The following PARP4 variants were observed in gnomAD, a reference collection of about 807,000 sequenced individuals.
PARP4 encodes poly(ADP-ribose) polymerase family member 4.
PARP4 carries 120 observed loss-of-function variants against 187.7 expected under a neutral mutation model. The ratio of observed to expected loss-of-function variants is 0.64; its 90% CI spans 0.55 to 0.74. The LOEUF (loss-of-function observed/expected upper bound fraction) is 0.74. PARP4 is among the 30% of genes least tolerant of loss of function. The probability of loss-of-function intolerance (pLI) is 0.00; values close to 1 mark genes in which losing one functional copy is unlikely to be tolerated. For synonymous variants in PARP4, 654 were observed against 740.9 expected (o/e 0.88, Z 1.90); for missense variants, 1,836 against 2,070.5 (o/e 0.89, Z 2.20).
At chr13:24,432,845 C>T (rs113386189) in intron 31 of PARP4, among the ~76,000 whole-genome samples, 1,976 of 152,224 alleles carry the variant, frequency 0.013, 24 homozygotes, top group African/African-American at 0.033. Context: ...GGGATATTAA[C>T]CTCAACGGAG....
chr13:24,478,961 C>G (rs1873124405), intron 12 of PARP4, among the ~76,000 whole-genome samples: 1 of 152,150 alleles, frequency 6.6e-6, no homozygotes, highest in East Asian at 1.9e-4. Context: ...TGCACTAAAG[C>G]TCAGAAAGGA....
At chr13:24,489,500 G>C (rs917418402) in intron 10 of PARP4, among the ~76,000 whole-genome samples, 8 of 152,140 alleles carry the variant, frequency 5.3e-5, no homozygotes, top group Non-Finnish European at 1.0e-4. Flanking sequence ...CCCAGCTGAG[G>C]GGGGTGGCTG....
chr13:24,495,720 G>T (rs1257303558), intron 6 of PARP4, among the ~76,000 whole-genome samples: 1 of 152,188 alleles, frequency 6.6e-6, no homozygotes, highest in Non-Finnish European at 1.5e-5. Context: ...CACTACTCAG[G>T]ATACCCATAA....
At chr13:24,463,616 T>G (rs1015594652) in intron 17 of PARP4, among the ~76,000 whole-genome samples, 19 of 152,280 alleles carry the variant, frequency 1.2e-4, no homozygotes, top group Admixed American at 9.8e-4. Context: ...TTAAAAACTC[T>G]CAGTAAACTA....
At chr13:24,443,581 C>T in intron 28 of PARP4, 69 bp downstream of exon 28, 2 of 1,156,576 alleles carry the variant, frequency 1.7e-6, no homozygotes, top group Non-Finnish European at 1.3e-6. Context: ...TTTCCATTTC[C>T]ACAGATAAAA....
At chr13:24,426,086 CTTGTA>C (rs1439911655) in intron 33 of PARP4, among the ~76,000 whole-genome samples, 6 of 152,288 alleles carry the variant, frequency 3.9e-5, no homozygotes, top group East Asian at 1.9e-4. Context: ...ACTTTAAATA[CTTGTA>C]TTGTATTCTT....
chr13:24,421,236 G>A lies in PARP4; in HGVS notation c.5058C>T (p.Ile1686=). ...CGTTCCCCAGTTCAAGCCGTGGGCA[G>A]ATAGATGGGTACTGTCCTTCAGTTC... ...VRRTEGQYPS[I]CPRLELGNDW... Residue 1686 remains isoleucine, a synonymous_variant, in exon 34 of 34, where the codon ATC becomes ATT. Transcript: ENST00000381989. 7.4e-7 allele frequency: 1 copy of A among 1,360,500 alleles called. No homozygotes were observed. Among genetic ancestry groups the A allele is most frequent in the Non-Finnish European group, 9.9e-7 (1 of 1,012,224 alleles). 84.3% of individuals were successfully genotyped at this position (1,360,500 alleles called of 1,614,324 possible).
At chr13:24,493,333 C>T (rs1464776677) in intron 8 of PARP4, among the ~76,000 whole-genome samples, 1 of 152,200 alleles carries the variant, frequency 6.6e-6, no homozygotes. Flanking sequence ...AGGATCAGGC[C>T]TCCTAATTGG....
intron 33 of PARP4, among the ~76,000 whole-genome samples, chr13:24,425,569 GTATATCTATA>G (rs1207919154): frequency 5.8e-5 from 8 of 136,824 alleles, no homozygotes; most frequent in African/African-American, 2.3e-4. Context: ...GTGTGTGTGT[GTATATCTATA>G]TCTATATCTA....
At chr13:24,458,605 ACT>A (rs1363422619) in intron 20 of PARP4, among the ~76,000 whole-genome samples, 3 of 151,994 alleles carry the variant, frequency 2.0e-5, no homozygotes, top group African/African-American at 7.3e-5. Context: ...AACAAAAAAA[ACT>A]CATCATAATA....
chr13:24,462,918 T>C (rs8002741), intron 17 of PARP4, among the ~76,000 whole-genome samples: 77,217 of 151,832 alleles, frequency 0.51, 19,951 homozygotes, highest in South Asian at 0.65. Flanking sequence ...TACGGTCTAA[T>C]GTATATGTAT....
At chr13:24,437,566 A>G (rs1402998739) in intron 30 of PARP4, among the ~76,000 whole-genome samples, 1 of 146,798 alleles carries the variant, frequency 6.8e-6, no homozygotes, top group Admixed American at 6.8e-5. Context: ...ATGTGAACAG[A>G]TAACACCCAG....
At chr13:24,436,917 CAT>C (rs1870667312) in intron 30 of PARP4, among the ~76,000 whole-genome samples, 1 of 152,062 alleles carries the variant, frequency 6.6e-6, no homozygotes, top group African/African-American at 2.4e-5. Flanking sequence ...TATGAAAAGA[CAT>C]ATTTTAAAAT....
intron 2 of PARP4, among the ~76,000 whole-genome samples, chr13:24,502,918 C>T (rs1869385199): frequency 6.6e-6 from 1 of 152,214 alleles, no homozygotes; most frequent in South Asian, 2.1e-4. Flanking sequence ...TGGCCAAGCC[C>T]CAGGGCTGAG....
At chr13:24,454,043 G>A (rs1257579781) in intron 22 of PARP4, among the ~76,000 whole-genome samples, 1 of 151,156 alleles carries the variant, frequency 6.6e-6, no homozygotes, top group East Asian at 1.9e-4. Context: ...GTTGCAGTGA[G>A]CTGAGATCGC....
At position 24,478,095 on chromosome 13, in the gene PARP4, C is replaced by CA. The variant is rs766964331; in HGVS notation, c.1629dup (p.Glu544Ter). 2.5e-6 allele frequency: 4 copies of CA among 1,589,822 alleles called. No individual in the cohort carries two copies. The East Asian group carries it at 9.0e-5, about 36-fold the overall frequency. On this transcript the variant is annotated frameshift_variant, in exon 13 of 34. Transcript: ENST00000381989. LOFTEE classifies it high-confidence loss of function. Reference sequence around the variant, plus strand: ...CTTCTTCCTTGAAATAAAAATACCTCAAAGTCTGTGGTGACAGAGGCTGTT... The same window carrying CA: ...CTTCTTCCTTGAAATAAAAATACCTCAAAAGTCTGTGGTGACAGAGGCTGTT...
intron 2 of PARP4, among the ~76,000 whole-genome samples, chr13:24,502,199 G>A (rs1268460092): frequency 6.6e-5 from 10 of 151,466 alleles, no homozygotes; most frequent in Non-Finnish European, 1.5e-4. Flanking sequence ...ATTTTGATTT[G>A]TAATTTTAGA....
chr13:24,501,094 T>G (rs776589282), intron 3 of PARP4, among the ~76,000 whole-genome samples: 1 of 152,240 alleles, frequency 6.6e-6, no homozygotes, highest in South Asian at 2.1e-4. Flanking sequence ...CAGTACGGTA[T>G]CTAACACATA....
intron 20 of PARP4, among the ~76,000 whole-genome samples, chr13:24,457,180 T>C (rs746171497): frequency 1.3e-5 from 2 of 152,152 alleles, no homozygotes; most frequent in African/African-American, 2.4e-5. Context: ...ATTTGTATAT[T>C]ATATTTTCAT....
Sources: allele counts gnomAD v4.1 joint callset (sites outside exome capture counted in the v4.1 genomes callset), GRCh38; gene constraint gnomAD v4.1.1; transcripts MANE v1.5; gene names NCBI Gene and HGNC (gene_info 2026-07-23, HGNC 2026-07-21).